MTCL2: variants seen among roughly 807,000 people sequenced by gnomAD.
MTCL2 encodes the protein microtubule crosslinking factor 2.
At chr20:36,787,365 T>G in the MTCL2 span, among the ~76,000 whole-genome samples, 1 of 152,006 alleles carries the variant, frequency 6.6e-6, no homozygotes, top group African/African-American at 2.4e-5. Context: ...GTAGCTAAGA[T>G]TACAAGCGTG....
chr20:36,832,037 CTA>C, the MTCL2 span, among the ~76,000 whole-genome samples: 2 of 152,230 alleles, frequency 1.3e-5, no homozygotes, highest in Admixed American at 1.3e-4. Flanking sequence ...TCATTCATAT[CTA>C]TGTGTCCCAG....
the MTCL2 span, chr20:36,794,439 G>C: frequency 2.5e-6 from 4 of 1,614,034 alleles, no homozygotes; most frequent in Non-Finnish European, 3.4e-6. The surrounding 1 kb of genome is among the most constrained non-coding windows in gnomAD (Gnocchi z 5.4). Flanking sequence ...GAGAGCCCAG[G>C]CTTCTCCTTG....
At chr20:36,785,223 G>A in the MTCL2 span, 2 of 985,266 alleles carry the variant, frequency 2.0e-6, no homozygotes, top group Non-Finnish European at 1.2e-6. Flanking sequence ...CAGGAGGCCA[G>A]GTCTCCAAAC....
At chr20:36,795,084 G>A in the MTCL2 span, among the ~76,000 whole-genome samples, 3 of 151,982 alleles carry the variant, frequency 2.0e-5, no homozygotes, top group Admixed American at 6.6e-5. Flanking sequence ...AATTACAGGC[G>A]TGCGCCACCA....
the MTCL2 span, among the ~76,000 whole-genome samples, chr20:36,842,834 G>T: frequency 6.6e-6 from 1 of 152,136 alleles, no homozygotes; most frequent in South Asian, 2.1e-4. Flanking sequence ...AGGCATCCCT[G>T]AGGAGCCAGG....
the MTCL2 span, chr20:36,815,498 C>T: frequency 1.9e-6 from 3 of 1,586,462 alleles, no homozygotes; most frequent in Non-Finnish European, 2.6e-6. This position sits in a 1 kb window ranked among gnomAD's most constrained non-coding sequence, Gnocchi z 5.3. Flanking sequence ...CCTCGGCCTC[C>T]CTGGCTCTGC....
At chr20:36,804,935 C>A in the MTCL2 span, 1 of 1,597,120 alleles carries the variant, frequency 6.3e-7, no homozygotes, top group Non-Finnish European at 8.6e-7. Flanking sequence ...GAGTCAAGAG[C>A]CTCTGTGGGG....
chr20:36,790,428 CTTTTTTTTT>C, the MTCL2 span, among the ~76,000 whole-genome samples: 3 of 101,130 alleles, frequency 3.0e-5, no homozygotes, highest in Admixed American at 1.1e-4. Context: ...ACGCCTGGCC[CTTTTTTTTT>C]TTTTTTTTTT....
chr20:36,837,547 CATTATTATTATT>C, the MTCL2 span, among the ~76,000 whole-genome samples: 6,816 of 125,226 alleles, frequency 0.054, 199 homozygotes, highest in Middle Eastern at 0.1. Flanking sequence ...ATTTTACCCA[CATTATTATTATT>C]ATTATTATTA....
chr20:36,798,605 C>G, the MTCL2 span, among the ~76,000 whole-genome samples: 2 of 152,184 alleles, frequency 1.3e-5, no homozygotes, highest in Admixed American at 1.3e-4. Context: ...CAGACAAAGA[C>G]AGGGGTCCAA....
At chr20:36,783,818 C>A in the MTCL2 span, 3 of 985,132 alleles carry the variant, frequency 3.0e-6, no homozygotes, top group Non-Finnish European at 2.4e-6. Context: ...CCAATCCCCC[C>A]ACCCCAAAAA....
the MTCL2 span, among the ~76,000 whole-genome samples, chr20:36,813,469 C>A: frequency 1.3e-5 from 2 of 151,868 alleles, no homozygotes; most frequent in African/African-American, 2.4e-5. Context: ...CACGATGGCT[C>A]ACACCTGCAA....
the MTCL2 span, among the ~76,000 whole-genome samples, chr20:36,845,425 C>G: frequency 6.6e-6 from 1 of 152,246 alleles, no homozygotes; most frequent in Non-Finnish European, 1.5e-5. Context: ...TGTGACAGCC[C>G]AAGATGTTGC....
the MTCL2 span, chr20:36,803,013 A>G: frequency 1.9e-6 from 3 of 1,600,698 alleles, no homozygotes; most frequent in African/African-American, 4.0e-5. Context: ...GGACTCAGCT[A>G]GGAGGTGCTG....
At chr20:36,784,892 AG>A in the MTCL2 span, 2 of 985,486 alleles carry the variant, frequency 2.0e-6, no homozygotes, top group Non-Finnish European at 2.4e-6. Context: ...ACATTCTCAA[AG>A]TTCAGTCCTG....
chr20:36,841,010 T>A, the MTCL2 span, among the ~76,000 whole-genome samples: 35 of 151,368 alleles, frequency 2.3e-4, 1 homozygote, highest in South Asian at 7.3e-3. Flanking sequence ...CAGAAAATAA[T>A]AATAACAAAA....
At chr20:36,845,511 G>A in the MTCL2 span, among the ~76,000 whole-genome samples, 5 of 152,262 alleles carry the variant, frequency 3.3e-5, no homozygotes, top group Non-Finnish European at 5.9e-5. Context: ...CAGAATGCCC[G>A]TTAGCCCCTG....
chr20:36,854,158 A>G, the MTCL2 span, among the ~76,000 whole-genome samples: 2 of 152,132 alleles, frequency 1.3e-5, no homozygotes, highest in Non-Finnish European at 2.9e-5. Context: ...ACAAGACCCC[A>G]GTCTTGCCTC....
the MTCL2 span, among the ~76,000 whole-genome samples, chr20:36,820,528 T>C: frequency 3.5e-3 from 540 of 152,270 alleles, 5 homozygotes; most frequent in African/African-American, 0.012. Flanking sequence ...CACAACAGAA[T>C]ATTTACTCAG....
Sources: allele counts gnomAD v4.1 joint callset (sites outside exome capture counted in the v4.1 genomes callset), GRCh38; gene constraint gnomAD v4.1.1; non-coding constraint Gnocchi (gnomAD v3.1); transcripts MANE v1.5; gene names NCBI Gene and HGNC (gene_info 2026-07-23, HGNC 2026-07-21).